Variants in TRIM5 observed in about 807,000 individuals in gnomAD.
TRIM5 encodes the protein tripartite motif containing 5.
TRIM5 carries 31 observed loss-of-function variants against 35.6 expected under a neutral mutation model. The ratio of observed to expected loss-of-function variants is 0.87; its 90% CI spans 0.65 to 1.18. The LOEUF (loss-of-function observed/expected upper bound fraction) is 1.18, where lower values mean the gene tolerates loss of function less well. Among genes scored for constraint, TRIM5 ranks in the 50% most tolerant of loss-of-function variants. TRIM5 has a pLI of 0.00. For synonymous variants in TRIM5, 243 were observed against 215.6 expected, an observed-to-expected ratio of 1.13 and a Z score of -1.11; for missense variants, 609 against 591.6, an observed-to-expected ratio of 1.03 and a Z score of -0.31.
At chr11:5,660,781 G>A (rs913776298), downstream of TRIM5, among the ~76,000 whole-genome samples, 11 of 151,814 alleles carry the variant, frequency 7.2e-5, no homozygotes, top group Non-Finnish European at 1.3e-4. Context: ...AGTGGCTCAC[G>A]CCTGTAATCC....
chr11:5,674,910 G>A (rs1181574793), intron 4 of TRIM5, among the ~76,000 whole-genome samples: 1 of 152,144 alleles, frequency 6.6e-6, no homozygotes. Context: ...AGTTGAGGCC[G>A]ATATTGGTAA....
At chr11:5,620,769 T>G in the TRIM5 span, among the ~76,000 whole-genome samples, 1 of 152,194 alleles carries the variant, frequency 6.6e-6, no homozygotes, top group Non-Finnish European at 1.5e-5. Flanking sequence ...TAGCTTCTTC[T>G]TTCCATTAAG....
At chr11:5,595,817 C>G in the TRIM5 span, among the ~76,000 whole-genome samples, 764 of 152,042 alleles carry the variant, frequency 5.0e-3, 11 homozygotes, top group African/African-American at 0.018. Context: ...CTCAGCCTCC[C>G]GAGTAGCTAG....
At chr11:5,681,523 T>C (rs1852446935) in intron 1 of TRIM5, among the ~76,000 whole-genome samples, 1 of 152,216 alleles carries the variant, frequency 6.6e-6, no homozygotes, top group Non-Finnish European at 1.5e-5. Context: ...CTAATCTAGA[T>C]GGGTCCGGGT....
the TRIM5 span, chr11:5,603,734 A>G: frequency 2.5e-6 from 4 of 1,613,196 alleles, no homozygotes; most frequent in African/African-American, 2.7e-5. Flanking sequence ...CAGGAGTACC[A>G]GGTGAGACCC....
the TRIM5 span, chr11:5,642,908 T>C: frequency 3.8e-6 from 6 of 1,596,542 alleles, no homozygotes; most frequent in Non-Finnish European, 5.1e-6. Flanking sequence ...ATGGTTTCAA[T>C]GATATCTTCT....
At chr11:5,646,116 T>A in the TRIM5 span, among the ~76,000 whole-genome samples, 1 of 148,558 alleles carries the variant, frequency 6.7e-6, no homozygotes, top group Admixed American at 6.8e-5. Flanking sequence ...AATATACATA[T>A]ACACACGTAC....
intron 4 of TRIM5, among the ~76,000 whole-genome samples, chr11:5,670,789 A>G (rs2342385): frequency 0.29 from 43,894 of 151,498 alleles, 7,852 homozygotes; most frequent in African/African-American, 0.51. Context: ...GACACACAGG[A>G]CAAAGCTAGG....
chr11:5,602,283 T>TACAAAAAAAATTAGCCGG, the TRIM5 span, among the ~76,000 whole-genome samples: 1 of 149,164 alleles, frequency 6.7e-6, no homozygotes, highest in South Asian at 2.1e-4. Context: ...TACTAAAAAA[T>TACAAAAAAAATTAGCCGG]ACAAAAAAAA....
At chr11:5,668,911 G>A (rs1309285762) in intron 4 of TRIM5, among the ~76,000 whole-genome samples, 2 of 152,070 alleles carry the variant, frequency 1.3e-5, no homozygotes, top group Non-Finnish European at 2.9e-5. Flanking sequence ...CAGTAGTGAA[G>A]GAGCAACAAG....
At chr11:5,590,488 C>T in the TRIM5 span, 1 of 152,314 alleles carries the variant, frequency 6.6e-6, no homozygotes, top group Non-Finnish European at 1.5e-5. Context: ...AATAGATATT[C>T]TGTATCTAGC....
intron 3 of TRIM5, 96 bp downstream of exon 3, chr11:5,678,978 A>G (rs1852209136): frequency 9.9e-7 from 1 of 1,014,256 alleles, no homozygotes; most frequent in Admixed American, 1.8e-5. Context: ...TGACTTCTGG[A>G]CTTATCAAAT....
chr11:5,660,299 G>A (rs1050163595), downstream of TRIM5, among the ~76,000 whole-genome samples: 1 of 152,108 alleles, frequency 6.6e-6, no homozygotes, highest in African/African-American at 2.4e-5. Context: ...AAAGCAGCAA[G>A]TACATATATT....
the TRIM5 span, chr11:5,610,986 G>T: frequency 1.2e-6 from 2 of 1,613,988 alleles, no homozygotes; most frequent in Non-Finnish European, 1.7e-6. Flanking sequence ...GATCCTGGGG[G>T]TATGCAGCAA....
chr11:5,611,259 T>C, the TRIM5 span: 7 of 1,614,090 alleles, frequency 4.3e-6, no homozygotes, highest in Non-Finnish European at 5.1e-6. Flanking sequence ...TTTCTCTAAA[T>C]ATTACTTTCC....
chr11:5,606,981 A>C, the TRIM5 span, among the ~76,000 whole-genome samples: 1 of 152,192 alleles, frequency 6.6e-6, no homozygotes, highest in Non-Finnish European at 1.5e-5. Flanking sequence ...AGGCAGGCGG[A>C]TCATGAGGTC....
At chr11:5,616,107 C>T in the TRIM5 span, among the ~76,000 whole-genome samples, 286 of 150,260 alleles carry the variant, frequency 1.9e-3, 2 homozygotes, top group African/African-American at 6.3e-3. Flanking sequence ...CCCACCACCA[C>T]GCCCGGCTAA....
the TRIM5 span, among the ~76,000 whole-genome samples, chr11:5,609,938 A>G: frequency 2.8e-3 from 429 of 152,304 alleles, no homozygotes; most frequent in African/African-American, 9.6e-3. Context: ...AAAAAGTTAA[A>G]TCTTACACAA....
the TRIM5 span, among the ~76,000 whole-genome samples, chr11:5,604,177 C>CGTGT: frequency 1.5e-5 from 2 of 131,372 alleles, no homozygotes; most frequent in Non-Finnish European, 3.5e-5. Flanking sequence ...TGTGTGTGTG[C>CGTGT]GTGTGTGTGT....
Sources: allele counts gnomAD v4.1 joint callset (sites outside exome capture counted in the v4.1 genomes callset), GRCh38; gene constraint gnomAD v4.1.1; transcripts MANE v1.5; gene names NCBI Gene and HGNC (gene_info 2026-07-23, HGNC 2026-07-21).